Variants in RAP1GDS1 observed in about 807,000 individuals in gnomAD.
The protein encoded by RAP1GDS1 is Rap1 GTPase-GDP dissociation stimulator 1.
A neutral mutation model predicts 71.1 loss-of-function variants in RAP1GDS1; 35 were observed. The observed-to-expected ratio is 0.49, with a 90% CI of 0.38 to 0.65. The LOEUF is 0.65. Among genes scored for constraint, RAP1GDS1 ranks in the 30% least tolerant of loss-of-function variants. The pLI, the probability that RAP1GDS1 is intolerant of heterozygous loss-of-function variation, is 0.00. For synonymous variants in RAP1GDS1, 229 were observed against 243.1 expected (o/e 0.94, Z 0.54); for missense variants, 663 against 706.1 (o/e 0.94, Z 0.69).
chr4:98,409,675 T>C (rs28411105), intron 7 of RAP1GDS1: 39,110 of 364,462 alleles, frequency 0.11, 3,253 homozygotes, highest in African/African-American at 0.28. Flanking sequence ...GAAGCAACAG[T>C]CTGTTCCACC....
chr4:98,296,406 G>T (rs1451675021), intron 2 of RAP1GDS1, among the ~76,000 whole-genome samples: 2 of 151,750 alleles, frequency 1.3e-5, no homozygotes, highest in Non-Finnish European at 2.9e-5. Flanking sequence ...TTTACCATTG[G>T]CAGTATTTCT....
intron 7 of RAP1GDS1, among the ~76,000 whole-genome samples, chr4:98,405,946 T>A (rs2110157664): frequency 6.6e-6 from 1 of 152,154 alleles, no homozygotes; most frequent in East Asian, 1.9e-4. Flanking sequence ...ACTGAGCTTA[T>A]AAATAAGAAG....
At position 98,417,037 on chromosome 4, in the gene RAP1GDS1, A is replaced by G. The variant is rs566543431; in HGVS notation, c.907+149A>G. 11 of 933,160 alleles carry G rather than the reference A, an allele frequency of 1.2e-5. No homozygotes were observed. The African/African-American group carries it at 1.7e-4, about 14-fold the overall frequency. 57.8% of individuals were successfully genotyped at this position (933,160 alleles called of 1,614,324 possible). ...ATGATTTTGACATCTTAAACATGCC[A>G]TTGATACAACCAGACATAATGAACC... On this transcript the variant is annotated intron_variant, in intron 8 of 14. Coordinates refer to ENST00000408927, the MANE Select transcript of RAP1GDS1 (RefSeq NM_001100427.2).
chr4:98,324,970 C>G (rs1362558613), intron 2 of RAP1GDS1, among the ~76,000 whole-genome samples: 1 of 151,168 alleles, frequency 6.6e-6, no homozygotes, highest in Non-Finnish European at 1.5e-5. Flanking sequence ...AAACTACCAT[C>G]AGAGTGAACA....
At chr4:98,325,788 G>T (rs1368538016) in intron 2 of RAP1GDS1, among the ~76,000 whole-genome samples, 13 of 112,942 alleles carry the variant, frequency 1.2e-4, no homozygotes, top group Admixed American at 7.3e-4. Flanking sequence ...GGGGGGAGGG[G>T]GGAGGGATAG....
intron 2 of RAP1GDS1, among the ~76,000 whole-genome samples, chr4:98,297,792 ATC>A (rs962786035): frequency 2.0e-5 from 3 of 152,190 alleles, no homozygotes; most frequent in African/African-American, 7.2e-5. Flanking sequence ...GAAGAGTCAC[ATC>A]TCTCTCACTT....
chr4:98,312,673 G>T (rs1248171849), intron 2 of RAP1GDS1, among the ~76,000 whole-genome samples: 2 of 151,998 alleles, frequency 1.3e-5, no homozygotes, highest in African/African-American at 4.8e-5. Context: ...AGAACCAATG[G>T]AATGTGTGTG....
At chr4:98,420,254 T>A in intron 11 of RAP1GDS1, 110 bp downstream of exon 11, 1 of 1,097,374 alleles carries the variant, frequency 9.1e-7, no homozygotes, top group Non-Finnish European at 1.2e-6. Flanking sequence ...TCATAAAAAA[T>A]AGCAAATAAA....
intron 5 of RAP1GDS1, among the ~76,000 whole-genome samples, chr4:98,391,301 G>A (rs1418825264): frequency 1.3e-5 from 2 of 152,010 alleles, no homozygotes; most frequent in African/African-American, 4.8e-5. Flanking sequence ...ACCTCTCTAA[G>A]CCAGACTTTC....
At chr4:98,419,537 C>A (rs1189403172) in intron 10 of RAP1GDS1, among the ~76,000 whole-genome samples, 1 of 152,132 alleles carries the variant, frequency 6.6e-6, no homozygotes, top group Non-Finnish European at 1.5e-5. Flanking sequence ...TAAAACTATT[C>A]TTTTATCCTA....
At chr4:98,381,216 T>C (rs1376781657) in intron 5 of RAP1GDS1, among the ~76,000 whole-genome samples, 1 of 151,594 alleles carries the variant, frequency 6.6e-6, no homozygotes. Flanking sequence ...CTTCCTTTAT[T>C]TCAAAAGCTG....
At chr4:98,418,568 C>T in intron 9 of RAP1GDS1, 89 bp from the exon 10 acceptor site, 1 of 1,175,710 alleles carries the variant, frequency 8.5e-7, no homozygotes, top group Non-Finnish European at 1.1e-6. Context: ...TCCATTTTCC[C>T]TAATGTAGAT....
chr4:98,271,845 TAAATCA>T (rs1723506481), intron 1 of RAP1GDS1, among the ~76,000 whole-genome samples: 1 of 152,216 alleles, frequency 6.6e-6, no homozygotes, highest in Admixed American at 6.5e-5. Context: ...TCCATTTTAC[TAAATCA>T]AAGAATTAAA....
At chr4:98,267,132 T>A (rs1005469616) in intron 1 of RAP1GDS1, among the ~76,000 whole-genome samples, 1 of 152,184 alleles carries the variant, frequency 6.6e-6, no homozygotes, top group Non-Finnish European at 1.5e-5. Flanking sequence ...GCCAGTATTT[T>A]GTTGAGGATT....
chr4:98,351,198 A>G (rs1371238437), intron 3 of RAP1GDS1, among the ~76,000 whole-genome samples: 5 of 152,210 alleles, frequency 3.3e-5, no homozygotes, highest in Admixed American at 2.0e-4. Flanking sequence ...GTCAATGATA[A>G]GCTCAAAGGT....
intron 4 of RAP1GDS1, among the ~76,000 whole-genome samples, chr4:98,366,892 A>G (rs1336137527): frequency 6.6e-6 from 1 of 152,240 alleles, no homozygotes; most frequent in African/African-American, 2.4e-5. Flanking sequence ...AAAACAGAGC[A>G]TAAAAGTTTG....
At chr4:98,370,087 C>G (rs58485619) in intron 4 of RAP1GDS1, among the ~76,000 whole-genome samples, 1,904 of 152,230 alleles carry the variant, frequency 0.013, 43 homozygotes, top group African/African-American at 0.044. Flanking sequence ...TGTTTTCCCT[C>G]ACACTTCCCT....
chr4:98,327,012 C>A (rs1733213064), intron 2 of RAP1GDS1, among the ~76,000 whole-genome samples: 1 of 151,940 alleles, frequency 6.6e-6, no homozygotes, highest in Non-Finnish European at 1.5e-5. Flanking sequence ...CCTTGATTAA[C>A]CTGTTTATGA....
intron 2 of RAP1GDS1, among the ~76,000 whole-genome samples, chr4:98,307,652 G>C (rs185941873): frequency 6.6e-6 from 1 of 151,962 alleles, no homozygotes; most frequent in Non-Finnish European, 1.5e-5. Context: ...GATTTTTTCT[G>C]TATAACTTCT....
Sources: allele counts gnomAD v4.1 joint callset (sites outside exome capture counted in the v4.1 genomes callset), GRCh38; gene constraint gnomAD v4.1.1; transcripts MANE v1.5; gene names NCBI Gene and HGNC (gene_info 2026-07-23, HGNC 2026-07-21).